RBMS3: variants seen among roughly 807,000 people sequenced by gnomAD.
RBMS3 encodes RNA-binding motif, single-stranded-interacting protein 3.
A neutral mutation model predicts 66.8 loss-of-function variants in RBMS3; 27 were observed. The ratio of observed to expected loss-of-function variants is 0.40; its 90% CI spans 0.30 to 0.56. The LOEUF (loss-of-function observed/expected upper bound fraction) is 0.56, where lower values mean the gene tolerates loss of function less well. Ranked by LOEUF, RBMS3 falls within the 20% of genes least tolerant of loss-of-function variation. The pLI, the probability that RBMS3 is intolerant of heterozygous loss-of-function variation, is 0.40. For missense variants in RBMS3, 513 were observed against 549.5 expected (o/e 0.93, Z 0.66); for synonymous variants, 188 against 183.0 (o/e 1.03, Z -0.22).
chr3:29,408,750 T>A (rs1336843418), intron 1 of RBMS3, among the ~76,000 whole-genome samples: 1 of 152,236 alleles, frequency 6.6e-6, no homozygotes, highest in African/African-American at 2.4e-5. Context: ...CCAACTAATA[T>A]TTTTCGTCAG....
chr3:29,370,225 T>A (rs930797741), intron 1 of RBMS3, among the ~76,000 whole-genome samples: 1 of 152,212 alleles, frequency 6.6e-6, no homozygotes, highest in Non-Finnish European at 1.5e-5. Flanking sequence ...GATGTCATTA[T>A]GTCATTTATT....
At chr3:29,347,730 G>A (rs933030422) in intron 1 of RBMS3, among the ~76,000 whole-genome samples, 2 of 152,124 alleles carry the variant, frequency 1.3e-5, no homozygotes, top group African/African-American at 4.8e-5. Context: ...AGTATAGGGT[G>A]GGGACAGAAT....
chr3:29,568,902 G>A (rs1425350075), intron 3 of RBMS3, among the ~76,000 whole-genome samples: 2 of 152,176 alleles, frequency 1.3e-5, no homozygotes, highest in East Asian at 3.9e-4. Flanking sequence ...TATGAGAGTA[G>A]CAGGTGCAGT....
chr3:29,685,053 C>T (rs913044893), intron 4 of RBMS3, among the ~76,000 whole-genome samples: 1 of 150,556 alleles, frequency 6.6e-6, no homozygotes, highest in African/African-American at 2.5e-5. Flanking sequence ...TTTTGTTTTG[C>T]TTTGTTTTGT....
At position 29,873,204 on chromosome 3, in the gene RBMS3, G is replaced by A. The variant is rs964907624; in HGVS notation, c.744+4240G>A. Among the ~76,000 whole-genome samples, 5 of 152,228 alleles carry A rather than the reference G, an allele frequency of 3.3e-5. No homozygotes were observed. The East Asian group carries it at 9.7e-4, about 29-fold the overall frequency. ...AGTATGACCATTTTAATGATATTGA[G>A]TCTTCCTATCCATGAATATGGGATA... On this transcript the variant is annotated intron_variant, in intron 7 of 14. Transcript: ENST00000383767.
At chr3:29,683,892 C>A (rs1159601926) in intron 4 of RBMS3, among the ~76,000 whole-genome samples, 3 of 152,172 alleles carry the variant, frequency 2.0e-5, no homozygotes, top group African/African-American at 7.2e-5. Flanking sequence ...AAATGACTAT[C>A]CCCAGAGCTG....
intron 6 of RBMS3, among the ~76,000 whole-genome samples, chr3:29,774,236 C>A (rs1269986342): frequency 6.6e-6 from 1 of 151,934 alleles, no homozygotes; most frequent in Non-Finnish European, 1.5e-5. Flanking sequence ...AATAGACATA[C>A]TAGACACTCT....
chr3:29,598,437 G>A (rs1327073323), intron 4 of RBMS3, among the ~76,000 whole-genome samples: 1 of 151,872 alleles, frequency 6.6e-6, no homozygotes, highest in Non-Finnish European at 1.5e-5. Context: ...AAGACTCAAG[G>A]ATTTTATAAT....
rs1263842610 is a variant in RBMS3 at position 30,009,519 on chromosome 3, C to T, written c.*5657C>T. On this transcript the variant is annotated 3_prime_UTR_variant, in exon 15 of 15. Coordinates refer to ENST00000383767, the MANE Select transcript of RBMS3 (RefSeq NM_001003793.3). ...AGAATATATGGGAAAAAAATCATAG[C>T]AAAGAATTCAGCTTCCCTCAAAAGA... 1 of 152,020 alleles carries T rather than the reference C, an allele frequency of 6.6e-6. No homozygotes were observed. The highest frequency in any genetic ancestry group is 1.5e-5 in the Non-Finnish European group (1 of 67,966). 9.4% of individuals were successfully genotyped at this position (152,020 alleles called of 1,614,324 possible).
chr3:29,810,100 T>C (rs1315478233), intron 6 of RBMS3, among the ~76,000 whole-genome samples: 1 of 152,108 alleles, frequency 6.6e-6, no homozygotes, highest in Non-Finnish European at 1.5e-5. Context: ...TAGTTCATTA[T>C]AGTATACGCT....
At chr3:29,989,332 G>A (rs1004131794) in intron 13 of RBMS3, among the ~76,000 whole-genome samples, 1 of 152,082 alleles carries the variant, frequency 6.6e-6, no homozygotes, top group Non-Finnish European at 1.5e-5. Context: ...AAACACTTAG[G>A]TACCTATATT....
rs1297030134 is a variant in RBMS3 at position 30,007,021 on chromosome 3, A to G, written c.*3159A>G. On this transcript the variant is annotated 3_prime_UTR_variant, in exon 15 of 15. Coordinates refer to ENST00000383767, the MANE Select transcript of RBMS3 (RefSeq NM_001003793.3). Reference sequence around the variant, plus strand: ...TATATCATGCCATTCTATAAAATGTATGTTTTCAAACCAAAAAGAAAAAAA... The same window carrying G: ...TATATCATGCCATTCTATAAAATGTGTGTTTTCAAACCAAAAAGAAAAAAA... 6.6e-6 allele frequency: 1 copy of G among 151,962 alleles called. No homozygotes were observed. Among genetic ancestry groups the G allele is most frequent in the Non-Finnish European group, 1.5e-5 (1 of 67,908 alleles). The allele number at this position is 151,962 out of a possible 1,614,324, so 9.4% of individuals were successfully genotyped here.
At chr3:29,676,360 C>T (rs868006479) in intron 4 of RBMS3, among the ~76,000 whole-genome samples, 16 of 152,100 alleles carry the variant, frequency 1.1e-4, no homozygotes, top group African/African-American at 3.9e-4. Flanking sequence ...ACCAACATGG[C>T]ACATGTATAC....
chr3:29,311,965 G>A (rs1048370259), intron 1 of RBMS3, among the ~76,000 whole-genome samples: 1 of 151,832 alleles, frequency 6.6e-6, no homozygotes, highest in African/African-American at 2.4e-5. Context: ...TCCTAAGTGT[G>A]TTCCACAGTG....
chr3:29,702,447 T>C (rs2052653641), intron 4 of RBMS3, among the ~76,000 whole-genome samples: 1 of 152,158 alleles, frequency 6.6e-6, no homozygotes, highest in Non-Finnish European at 1.5e-5. Context: ...GATAAGGGAA[T>C]GAAAGGCTGC....
At chr3:29,629,886 A>C (rs1193855752) in intron 4 of RBMS3, among the ~76,000 whole-genome samples, 1 of 152,106 alleles carries the variant, frequency 6.6e-6, no homozygotes, top group Non-Finnish European at 1.5e-5. Context: ...ACAAATCTTG[A>C]AAATTAAAAC....
rs79833573 is a variant in RBMS3, at chr3:29,990,394, T to C, written c.1180-688T>C. Reference sequence around the variant, plus strand: ...ATAAAATCACCTATGCCTCTCTGGATTCCAAAAATATATTCCTGATTGTGA... The same window carrying C: ...ATAAAATCACCTATGCCTCTCTGGACTCCAAAAATATATTCCTGATTGTGA... On this transcript the variant is annotated intron_variant, in intron 13 of 14. Transcript: ENST00000383767. 7.6e-3 allele frequency among the ~76,000 whole-genome samples: 1,093 copies of C among 143,574 alleles called. 17 individuals are homozygous for C. Among genetic ancestry groups the C allele is most frequent in the African/African-American group, 0.026 (1,029 of 39,890 alleles). 94.2% of individuals were successfully genotyped at this position (143,574 alleles called of 152,430 possible). A position where few individuals can be genotyped will look rare whatever the true frequency, so the allele number is the denominator to read the frequency against.
In RBMS3 at chr3:29,359,656, T is replaced by G. The variant is rs541661696; in HGVS notation, c.76-75087T>G. On this transcript the variant is annotated intron_variant, in intron 1 of 14. Transcript: ENST00000383767. The stretch of plus-strand genomic sequence containing the variant: ...CTTCTTGTACCTCTGGTAGAATTCA[T>G]CTGTGAATCCATCTGGTCCTGGACT... Among the ~76,000 whole-genome samples the G allele has an allele frequency of 1.4e-3, 209 of 152,244 alleles. 1 individual carries two copies. The highest frequency in any genetic ancestry group is 4.6e-3 in the African/African-American group (193 of 41,562).
intron 10 of RBMS3, among the ~76,000 whole-genome samples, chr3:29,905,386 A>T (rs1451001559): frequency 1.3e-5 from 2 of 151,994 alleles, no homozygotes; most frequent in African/African-American, 4.8e-5. Flanking sequence ...GTTACCTTTG[A>T]AGTTTATTTT....
Sources: gnomAD v4.1 joint callset for allele counts (sites outside exome capture counted in the v4.1 genomes callset) on GRCh38, gnomAD v4.1.1 for gene constraint, MANE v1.5 for transcripts, NCBI Gene and HGNC (gene_info 2026-07-23, HGNC 2026-07-21) for gene names.